CPE: variants seen among roughly 807,000 people sequenced by gnomAD.
CPE encodes carbocypeptidase E.
In CPE, 17 loss-of-function variants were observed where a neutral mutation model predicts 53.5. The ratio of observed to expected loss-of-function variants is 0.32; its 90% CI spans 0.22 to 0.48. The LOEUF is 0.48. Among genes scored for constraint, CPE ranks in the 20% least tolerant of loss-of-function variants. CPE has a pLI of 0.99. For missense variants in CPE, 524 were observed against 614.7 expected (o/e 0.85, Z 1.56); for synonymous variants, 226 against 228.8 (o/e 0.99, Z 0.11).
At chr4:165,450,105 CA>C (rs1221547965) in intron 1 of CPE, among the ~76,000 whole-genome samples, 4 of 136,338 alleles carry the variant, frequency 2.9e-5, no homozygotes, top group Non-Finnish European at 6.4e-5. Context: ...TTTATTTCTT[CA>C]TTTTTTTGTT....
intron 1 of CPE, among the ~76,000 whole-genome samples, chr4:165,387,670 G>A (rs536665247): frequency 1.5e-3 from 235 of 152,180 alleles, no homozygotes; most frequent in African/African-American, 5.2e-3. Context: ...TTAGCCAGCC[G>A]TGGTGGCACA....
Position 165,497,540 on chromosome 4 carries a change from A to G in CPE, c.1361A>G (p.Glu454Gly), listed in dbSNP as rs1313395748. Residue 454 changes from glutamate (E) to glycine (G), a missense_variant, in exon 9 of 9, where the codon GAA becomes GGA. Physicochemically the swap from Glu to Gly is moderately conservative, Grantham distance 98. Transcript: ENST00000402744. ...GVDFELESFS[E>G]RKEEEKEELM... ...GATTTTGAACTGGAGTCATTTTCTG[A>G]AAGGAAAGAAGAGGAGAAGGAAGAA... is the stretch of plus-strand genomic sequence containing the variant. The G allele has an allele frequency of 6.3e-7, 1 of 1,576,212 alleles. No homozygotes were observed. The highest frequency in any genetic ancestry group is 1.9e-5 in the Admixed American group (1 of 52,934).
chr4:165,460,839 C>T (rs1731985881), intron 1 of CPE, among the ~76,000 whole-genome samples: 1 of 152,092 alleles, frequency 6.6e-6, no homozygotes, highest in Admixed American at 6.5e-5. Flanking sequence ...TGTGGGGGCA[C>T]AGGTGACACA....
chr4:165,407,494 C>T (rs1730971344), intron 1 of CPE, among the ~76,000 whole-genome samples: 1 of 151,774 alleles, frequency 6.6e-6, no homozygotes, highest in Admixed American at 6.6e-5. Context: ...CTTCAGCCTC[C>T]CAAATAACTC....
chr4:165,429,647 A>C (rs1424684157), intron 1 of CPE, among the ~76,000 whole-genome samples: 1 of 151,976 alleles, frequency 6.6e-6, no homozygotes, highest in East Asian at 1.9e-4. Context: ...GGATGCAATG[A>C]ATCGAGATCG....
chr4:165,389,221 G>C (rs1338953662), intron 1 of CPE, among the ~76,000 whole-genome samples: 1 of 152,070 alleles, frequency 6.6e-6, no homozygotes, highest in East Asian at 1.9e-4. Flanking sequence ...GTTTTATTTA[G>C]GGTTCGATGA....
At chr4:165,420,102 T>A (rs1002379913) in intron 1 of CPE, among the ~76,000 whole-genome samples, 6 of 152,176 alleles carry the variant, frequency 3.9e-5, no homozygotes, top group Non-Finnish European at 8.8e-5. Context: ...AAAGGGCTAG[T>A]GCTATCCTCA....
Position 165,379,398 on chromosome 4 carries a change from G to A in CPE, c.177G>A (p.Leu59=). ...ISFEYHRYPE[L]REALVSVWLQ... ...TCGAGTACCACCGCTACCCCGAGCT[G>A]CGCGAGGCGCTCGTGTCCGTGTGGC... Residue 59 remains leucine (L), a synonymous_variant, in exon 1 of 9, where the codon CTG becomes CTA. Coordinates refer to ENST00000402744, the MANE Select transcript of CPE (RefSeq NM_001873.4). This position sits in a 1 kb window ranked among gnomAD's most constrained non-coding sequence, Gnocchi z 6.0. 6.2e-7 allele frequency: 1 copy of A among 1,609,890 alleles called. No homozygotes were observed. The highest frequency in any genetic ancestry group is 8.5e-7 in the Non-Finnish European group (1 of 1,178,950).
chr4:165,427,634 A>T (rs1413268536), intron 1 of CPE, among the ~76,000 whole-genome samples: 1 of 152,220 alleles, frequency 6.6e-6, no homozygotes, highest in East Asian at 1.9e-4. Context: ...CCTCTAAAGG[A>T]GATTGTCTTC....
At chr4:165,435,926 C>T (rs145763218) in intron 1 of CPE, among the ~76,000 whole-genome samples, 32 of 152,248 alleles carry the variant, frequency 2.1e-4, no homozygotes, top group East Asian at 1.4e-3. Flanking sequence ...GTTGACCCTA[C>T]GGACCATGCT....
At chr4:165,432,212 C>T (rs984923231) in intron 1 of CPE, among the ~76,000 whole-genome samples, 13 of 152,202 alleles carry the variant, frequency 8.5e-5, no homozygotes, top group Admixed American at 2.6e-4. Flanking sequence ...ACATTCTTGC[C>T]ATTGTGCCGG....
At chr4:165,391,648 T>C (rs1730681328) in intron 1 of CPE, among the ~76,000 whole-genome samples, 1 of 152,172 alleles carries the variant, frequency 6.6e-6, no homozygotes, top group Non-Finnish European at 1.5e-5. Context: ...AACGAAATAC[T>C]GCATCTTTCA....
At position 165,388,311 on chromosome 4, in the gene CPE, G is replaced by T. The variant is rs149108788; in HGVS notation, c.307+8783G>T. Among the ~76,000 whole-genome samples, 559 of 152,112 alleles carry T rather than the reference G, an allele frequency of 3.7e-3. 6 individuals carry two copies. The highest frequency in any genetic ancestry group is 0.02 in the Middle Eastern group (6 of 294). ...TTTCCTTTTCTTTTTTTAGCCAAGT[G>T]GTAATTTCTAAAACAACCTTTCTTC... On this transcript the variant is annotated intron_variant, in intron 1 of 8. Transcript: ENST00000402744.
At chr4:165,398,795 T>C (rs1021309551) in intron 1 of CPE, among the ~76,000 whole-genome samples, 1 of 152,340 alleles carries the variant, frequency 6.6e-6, no homozygotes, top group South Asian at 2.1e-4. Flanking sequence ...CATTAATATG[T>C]TGCCTCCTGC....
At chr4:165,422,559 C>A (rs527395458) in intron 1 of CPE, among the ~76,000 whole-genome samples, 6 of 152,158 alleles carry the variant, frequency 3.9e-5, no homozygotes, top group African/African-American at 1.4e-4. Flanking sequence ...TTTATTTTGC[C>A]AAGGTTAAGG....
At chr4:165,464,117 C>T (rs1732055208) in intron 1 of CPE, among the ~76,000 whole-genome samples, 1 of 152,142 alleles carries the variant, frequency 6.6e-6, no homozygotes, top group African/African-American at 2.4e-5. Context: ...TAATTTAACC[C>T]TAATTACCTC....
intron 1 of CPE, among the ~76,000 whole-genome samples, chr4:165,388,527 C>G (rs1730633817): frequency 6.6e-6 from 1 of 152,150 alleles, no homozygotes; most frequent in Non-Finnish European, 1.5e-5. Context: ...CATTGCGTTC[C>G]TTGAAATGTG....
At chr4:165,443,129 G>A (rs548352418) in intron 1 of CPE, among the ~76,000 whole-genome samples, 10 of 152,270 alleles carry the variant, frequency 6.6e-5, no homozygotes, top group Non-Finnish European at 1.0e-4. Context: ...GATCATTTTT[G>A]AGGGTTCCCT....
chr4:165,407,296 T>C (rs1319009048), intron 1 of CPE, among the ~76,000 whole-genome samples: 1 of 152,216 alleles, frequency 6.6e-6, no homozygotes, highest in Non-Finnish European at 1.5e-5. Context: ...GGGTGTGAAG[T>C]GATATTTTGA....
Sources: allele counts gnomAD v4.1 joint callset (sites outside exome capture counted in the v4.1 genomes callset), GRCh38; gene constraint gnomAD v4.1.1; non-coding constraint Gnocchi (gnomAD v3.1); transcripts MANE v1.5; gene names NCBI Gene and HGNC (gene_info 2026-07-23, HGNC 2026-07-21).